Variants in PTPRK observed in about 807,000 individuals in gnomAD.
PTPRK encodes receptor-type tyrosine-protein phosphatase kappa.
PTPRK carries 75 observed loss-of-function variants against 178.0 expected under a neutral mutation model. The ratio of observed to expected loss-of-function variants is 0.42; its 90% confidence interval spans 0.35 to 0.51. The LOEUF (loss-of-function observed/expected upper bound fraction) is 0.51. Among genes scored for constraint, PTPRK ranks in the 20% least tolerant of loss-of-function variants. The probability of loss-of-function intolerance (pLI) is 0.02; values close to 1 mark genes in which losing one functional copy is unlikely to be tolerated. For missense variants in PTPRK, 1,441 were observed against 1,797.8 expected, an observed-to-expected ratio of 0.80 and a Z score of 3.59; for synonymous variants, 637 against 620.6, an observed-to-expected ratio of 1.03 and a Z score of -0.39.
intron 1 of PTPRK, among the ~76,000 whole-genome samples, chr6:128,406,156 G>A (rs906140178): frequency 2.0e-5 from 3 of 151,888 alleles, no homozygotes; most frequent in African/African-American, 4.8e-5. Flanking sequence ...TCAGCTACCC[G>A]AGAGGCTGAT....
chr6:128,379,413 G>A (rs955534669), intron 2 of PTPRK, among the ~76,000 whole-genome samples: 1 of 152,072 alleles, frequency 6.6e-6, no homozygotes, highest in Non-Finnish European at 1.5e-5. Context: ...TTGTTACTTC[G>A]TGAGATTATA....
chr6:128,418,728 A>C (rs980252869), intron 1 of PTPRK, among the ~76,000 whole-genome samples: 8 of 152,148 alleles, frequency 5.3e-5, no homozygotes, highest in African/African-American at 1.9e-4. Context: ...CCTCCTCAGC[A>C]CCAGAACACT....
intron 1 of PTPRK, among the ~76,000 whole-genome samples, chr6:128,442,745 A>G (rs1846441505): frequency 6.6e-6 from 1 of 152,210 alleles, no homozygotes; most frequent in African/African-American, 2.4e-5. Flanking sequence ...CCTCTACTAT[A>G]TCCTGAGCAG....
At chr6:128,318,514 T>C (rs1828349061) in intron 3 of PTPRK, among the ~76,000 whole-genome samples, 1 of 152,182 alleles carries the variant, frequency 6.6e-6, no homozygotes, top group Non-Finnish European at 1.5e-5. Flanking sequence ...AAAAGGCACT[T>C]TCTGCTATAC....
intron 1 of PTPRK, among the ~76,000 whole-genome samples, chr6:128,462,810 C>G (rs1242984935): frequency 6.6e-6 from 1 of 151,886 alleles, no homozygotes; most frequent in Non-Finnish European, 1.5e-5. Flanking sequence ...CACCTGCCAC[C>G]ACACCCAGCT....
At position 128,054,568 on chromosome 6, in the gene PTPRK, G is replaced by A. The variant is rs184840088; in HGVS notation, c.2194+10190C>T. On this transcript the variant is annotated intron_variant, in intron 13 of 29. Transcript: ENST00000368226. The stretch of plus-strand genomic sequence containing the variant: ...TCCTAATAGCCAATAAATAGCAGAG[G>A]GGGGATTTGAATCTAGAATCTAGTC... Among the ~76,000 whole-genome samples the A allele has an allele frequency of 1.9e-4, 29 of 152,170 alleles. 1 individual carries two copies. In the East Asian group the frequency reaches 4.8e-3, roughly 25 times the overall value.
At chr6:128,465,939 G>A (rs950882668) in intron 1 of PTPRK, among the ~76,000 whole-genome samples, 1 of 152,080 alleles carries the variant, frequency 6.6e-6, no homozygotes, top group Non-Finnish European at 1.5e-5. Context: ...GTCTCATGGG[G>A]CTTCATTTAT....
intron 2 of PTPRK, among the ~76,000 whole-genome samples, chr6:128,389,711 C>T (rs1275314616): frequency 6.6e-6 from 1 of 151,876 alleles, no homozygotes; most frequent in Non-Finnish European, 1.5e-5. Flanking sequence ...TGGAAGTTCT[C>T]TAGCACTGAC....
chr6:128,431,044 T>C (rs1844779144), intron 1 of PTPRK, among the ~76,000 whole-genome samples: 1 of 151,574 alleles, frequency 6.6e-6, no homozygotes, highest in African/African-American at 2.4e-5. Flanking sequence ...GTTCAGGCAG[T>C]TGTCCTGCCT....
intron 2 of PTPRK, among the ~76,000 whole-genome samples, chr6:128,356,092 T>G (rs1388626530): frequency 6.6e-6 from 1 of 152,200 alleles, no homozygotes; most frequent in Non-Finnish European, 1.5e-5. Flanking sequence ...ACTTGTCCTG[T>G]TTAAGGCTAA....
At chr6:128,244,819 C>T (rs1481322145) in intron 3 of PTPRK, among the ~76,000 whole-genome samples, 1 of 152,076 alleles carries the variant, frequency 6.6e-6, no homozygotes, top group Non-Finnish European at 1.5e-5. Context: ...AGAAATAGAA[C>T]AACAACTTGA....
At chr6:128,021,496 C>T (rs1185733544) in intron 13 of PTPRK, among the ~76,000 whole-genome samples, 1 of 151,990 alleles carries the variant, frequency 6.6e-6, no homozygotes, top group Non-Finnish European at 1.5e-5. Flanking sequence ...ATTAGCCGGG[C>T]GTGGTGGTGG....
At chr6:128,177,022 GT>G (rs1418925057) in intron 7 of PTPRK, among the ~76,000 whole-genome samples, 1 of 151,588 alleles carries the variant, frequency 6.6e-6, no homozygotes. Flanking sequence ...TATGAATAGG[GT>G]GTGAGAATTG....
intron 13 of PTPRK, among the ~76,000 whole-genome samples, chr6:128,029,363 A>C (rs1254882523): frequency 6.6e-6 from 1 of 151,950 alleles, no homozygotes; most frequent in Non-Finnish European, 1.5e-5. Context: ...CTCTTTATAA[A>C]CTACCCAGTC....
chr6:128,345,249 AAT>A (rs1832274904), intron 2 of PTPRK, among the ~76,000 whole-genome samples: 1 of 152,122 alleles, frequency 6.6e-6, no homozygotes, highest in Admixed American at 6.6e-5. Flanking sequence ...TTTAATATGG[AAT>A]ATATATCTTT....
chr6:128,108,234 G>A (rs1026051180), intron 7 of PTPRK, among the ~76,000 whole-genome samples: 16 of 151,728 alleles, frequency 1.1e-4, no homozygotes, highest in Admixed American at 9.9e-4. Flanking sequence ...CTCATATGAC[G>A]CTAAAATAAC....
At chr6:128,166,342 G>A (rs1307960230) in intron 7 of PTPRK, among the ~76,000 whole-genome samples, 1 of 151,546 alleles carries the variant, frequency 6.6e-6, no homozygotes, top group African/African-American at 2.4e-5. Flanking sequence ...GTGAATAAGA[G>A]CATAGATTTT....
At chr6:128,362,884 A>AAG (rs1834965106) in intron 2 of PTPRK, among the ~76,000 whole-genome samples, 1 of 152,150 alleles carries the variant, frequency 6.6e-6, no homozygotes, top group Non-Finnish European at 1.5e-5. Context: ...CTTTCCCCAA[A>AAG]AGAGAGATGT....
At chr6:128,416,228 A>T (rs1842831413) in intron 1 of PTPRK, among the ~76,000 whole-genome samples, 1 of 152,120 alleles carries the variant, frequency 6.6e-6, no homozygotes, top group Admixed American at 6.5e-5. Flanking sequence ...TAATTTTTGC[A>T]ACAAGAATGA....
Sources: gnomAD v4.1 joint callset for allele counts (sites outside exome capture counted in the v4.1 genomes callset) on GRCh38, gnomAD v4.1.1 for gene constraint, MANE v1.5 for transcripts, NCBI Gene and HGNC (gene_info 2026-07-23, HGNC 2026-07-21) for gene names.